Variants in SLC39A10 observed in about 807,000 individuals in gnomAD.
SLC39A10 encodes zinc transporter ZIP10.
Under a neutral mutation model 65.1 loss-of-function variants are expected in SLC39A10, and 13 were observed. The observed-to-expected ratio is 0.20, with a 90% confidence interval of 0.13 to 0.32. The LOEUF is 0.32. SLC39A10 is among the 10% of genes least tolerant of loss of function. The pLI is 1.00. For synonymous variants in SLC39A10, 321 were observed against 342.2 expected, an observed-to-expected ratio of 0.94 and a Z score of 0.68; for missense variants, 831 against 1,018.4, an observed-to-expected ratio of 0.82 and a Z score of 2.50.
chr2:195,680,884 A>T lies in SLC39A10; in HGVS notation c.842A>T (p.His281Leu). ...RVHNPGHSHVHLPERNGHDPG... is the reference protein window; with the variant it reads ...RVHNPGHSHVLLPERNGHDPG... ...CATAACCCAGGTCATTCTCATGTACATCTTCCAGAACGTAATGGTCATGAT... is the reference window on the plus strand; with the variant it reads ...CATAACCCAGGTCATTCTCATGTACTTCTTCCAGAACGTAATGGTCATGAT... Residue 281 changes from histidine (H) to leucine (L), a missense_variant, in exon 2 of 10, where the codon CAT (histidine) becomes CTT (leucine). Around this residue, in one of 4 missense-constraint regions of SLC39A10, gnomAD observed 446 missense variants for 499.2 expected, o/e 0.89. Coordinates refer to ENST00000359634, the MANE Select transcript of SLC39A10 (RefSeq NM_020342.3). 6.2e-7 allele frequency: 1 copy of T among 1,614,180 alleles called. No homozygotes were observed. The highest frequency in any genetic ancestry group is 8.5e-7 in the Non-Finnish European group (1 of 1,180,032).
At chr2:195,719,117 T>G (rs750222853) in intron 8 of SLC39A10, among the ~76,000 whole-genome samples, 2 of 151,938 alleles carry the variant, frequency 1.3e-5, no homozygotes, top group East Asian at 3.8e-4. Flanking sequence ...TAATCATATA[T>G]ATTATGTTGG....
chr2:195,702,740 T>G (rs1262803424), intron 3 of SLC39A10, among the ~76,000 whole-genome samples: 1 of 152,212 alleles, frequency 6.6e-6, no homozygotes, highest in Non-Finnish European at 1.5e-5. Context: ...AAAGTTCTTC[T>G]CTTGTCTACA....
chr2:195,696,763 T>A (rs561055957), intron 3 of SLC39A10, among the ~76,000 whole-genome samples: 30 of 152,244 alleles, frequency 2.0e-4, no homozygotes, highest in African/African-American at 7.0e-4. Flanking sequence ...TATTGTATAT[T>A]CTTAGAATAA....
chr2:195,620,365 T>C (rs2105686170), intron 2 of SLC39A10, among the ~76,000 whole-genome samples: 1 of 152,260 alleles, frequency 6.6e-6, no homozygotes, highest in Non-Finnish European at 1.5e-5. Flanking sequence ...GGTGACTCCA[T>C]TCACAATAAA....
chr2:195,681,254 C>A (rs537916778), intron 2 of SLC39A10, among the ~76,000 whole-genome samples: 3 of 152,098 alleles, frequency 2.0e-5, no homozygotes, highest in Non-Finnish European at 4.4e-5. Context: ...TATCCGGGCG[C>A]GGTGGCTCAC....
chr2:195,695,557 A>C (rs979901780), intron 3 of SLC39A10, among the ~76,000 whole-genome samples: 1 of 152,098 alleles, frequency 6.6e-6, no homozygotes, highest in Admixed American at 6.6e-5. Flanking sequence ...AAGTGGACTC[A>C]CAGTTTTTTT....
At chr2:195,653,292 GA>G (rs889692803), upstream of SLC39A10, among the ~76,000 whole-genome samples, 9 of 88,220 alleles carry the variant, frequency 1.0e-4, no homozygotes, top group African/African-American at 1.4e-4. Flanking sequence ...ATCTGTGCCT[GA>G]ATTTTTTTTT....
intron 2 of SLC39A10, among the ~76,000 whole-genome samples, chr2:195,629,440 A>C (rs528163964): frequency 8.0e-5 from 12 of 150,244 alleles, no homozygotes; most frequent in African/African-American, 2.9e-4. Flanking sequence ...ACCCACCCCC[A>C]CACACATCTT....
intron 8 of SLC39A10, among the ~76,000 whole-genome samples, chr2:195,725,677 T>C (rs1024886236): frequency 2.5e-4 from 38 of 152,308 alleles, no homozygotes; most frequent in African/African-American, 8.4e-4. Context: ...GCAGTGGCTT[T>C]CTTCATAATT....
chr2:195,711,079 A>G (rs1442980298), intron 5 of SLC39A10, among the ~76,000 whole-genome samples: 1 of 152,234 alleles, frequency 6.6e-6, no homozygotes, highest in Non-Finnish European at 1.5e-5. Flanking sequence ...TGTAAGACAT[A>G]TAAGTATTTA....
chr2:195,663,303 C>CA (rs1262316103), intron 1 of SLC39A10, among the ~76,000 whole-genome samples: 1 of 152,162 alleles, frequency 6.6e-6, no homozygotes, highest in African/African-American at 2.4e-5. Flanking sequence ...TATATTAACT[C>CA]AGTGCACTTC....
intron 5 of SLC39A10, among the ~76,000 whole-genome samples, chr2:195,712,169 A>T (rs140983728): frequency 6.6e-6 from 1 of 152,208 alleles, no homozygotes; most frequent in Admixed American, 6.5e-5. Flanking sequence ...GCTTCTCCAC[A>T]TGGCTTCTCT....
Position 195,717,022 on chromosome 2 carries a change from C to A in SLC39A10, c.2065+17C>A. 6.2e-7 allele frequency: 1 copy of A among 1,608,274 alleles called. No homozygotes were observed. Among genetic ancestry groups the A allele is most frequent in the Non-Finnish European group, 8.5e-7 (1 of 1,177,098 alleles). Reference sequence around the variant, plus strand: ...TCGCAATTGGTAAGTGGACTGGAAACCACTGTCTATGCTAATCTTATGGAC... The same window carrying A: ...TCGCAATTGGTAAGTGGACTGGAAAACACTGTCTATGCTAATCTTATGGAC... On this transcript the variant is annotated intron_variant, in intron 7 of 9. Transcript: ENST00000359634.
intron 2 of SLC39A10, among the ~76,000 whole-genome samples, chr2:195,642,569 A>G (rs1288071933): frequency 6.6e-6 from 1 of 152,244 alleles, no homozygotes; most frequent in Non-Finnish European, 1.5e-5. Flanking sequence ...GTATACAGAC[A>G]GTAACCAAAG....
chr2:195,660,029 C>T (rs745485789), intron 1 of SLC39A10, among the ~76,000 whole-genome samples: 40 of 152,016 alleles, frequency 2.6e-4, no homozygotes, highest in Non-Finnish European at 4.7e-4. Context: ...ATCTTGTTTT[C>T]CCTGCCAAAC....
At chr2:195,668,561 G>C (rs1053557282) in intron 1 of SLC39A10, among the ~76,000 whole-genome samples, 1 of 152,178 alleles carries the variant, frequency 6.6e-6, no homozygotes, top group Non-Finnish European at 1.5e-5. Context: ...GTGTTTGTGT[G>C]CATGTGCACA....
chr2:195,656,403 G>C (rs752830254), upstream of SLC39A10, among the ~76,000 whole-genome samples: 5 of 152,190 alleles, frequency 3.3e-5, no homozygotes, highest in Non-Finnish European at 7.3e-5. Context: ...CAAGTCCATG[G>C]AACTGCTTGG....
At chr2:195,701,346 T>C (rs1415556569) in intron 3 of SLC39A10, among the ~76,000 whole-genome samples, 1 of 150,920 alleles carries the variant, frequency 6.6e-6, no homozygotes, top group Non-Finnish European at 1.5e-5. Context: ...ACTTTTTTTT[T>C]TTTTTTTAGC....
Position 195,737,105 on chromosome 2 carries a change from A to C in SLC39A10, c.*2064A>C, listed in dbSNP as rs78687925. 1 of 152,178 alleles carries C rather than the reference A, an allele frequency of 6.6e-6. No individual in the cohort carries two copies. Among genetic ancestry groups the C allele is most frequent in the Non-Finnish European group, 1.5e-5 (1 of 68,026 alleles). 9.4% of individuals were successfully genotyped at this position (152,178 alleles called of 1,614,324 possible). On this transcript the variant is annotated 3_prime_UTR_variant, in exon 10 of 10. Transcript: ENST00000359634. ...AAAGAAGTTTTATATTCTCTCAAAAATGGTATTATCTTTCTTTATTTGCTA... is the reference window on the plus strand; with the variant it reads ...AAAGAAGTTTTATATTCTCTCAAAACTGGTATTATCTTTCTTTATTTGCTA...
Sources: gnomAD v4.1 joint callset for allele counts (sites outside exome capture counted in the v4.1 genomes callset) on GRCh38, gnomAD v4.1.1 for gene constraint, gnomAD v4.1.1 regional missense constraint, MANE v1.5 for transcripts, NCBI Gene and HGNC (gene_info 2026-07-23, HGNC 2026-07-21) for gene names.